Variants in TRABD2A observed in about 807,000 individuals in gnomAD.
TRABD2A encodes TraB domain containing 2A.
In TRABD2A, 43 loss-of-function variants were observed where a neutral mutation model predicts 45.6. The ratio of observed to expected loss-of-function variants is 0.94; its 90% CI spans 0.74 to 1.22. The LOEUF (loss-of-function observed/expected upper bound fraction) is 1.22, where lower values mean the gene tolerates loss of function less well. Ranked by LOEUF, TRABD2A falls within the 50% of genes most tolerant of loss-of-function variation. The pLI is 0.00. For missense variants in TRABD2A, 642 were observed against 652.4 expected (o/e 0.98, Z 0.17); for synonymous variants, 269 against 265.0 (o/e 1.02, Z -0.15).
At chr2:84,824,229 T>C in intron 5 of TRABD2A, 25 bp from the exon 6 acceptor site, 1 of 1,612,824 alleles carries the variant, frequency 6.2e-7, no homozygotes, top group Non-Finnish European at 8.5e-7. Context: ...AAGGAGAAGG[T>C]ATTTGGAGGA....
chr2:84,875,394 C>A (rs969299036), intron 1 of TRABD2A, among the ~76,000 whole-genome samples: 1 of 152,100 alleles, frequency 6.6e-6, no homozygotes, highest in Non-Finnish European at 1.5e-5. Flanking sequence ...GAGGCCAGCA[C>A]GACAGAGAGG....
Position 84,824,224 on chromosome 2 carries a change from G to A in TRABD2A, c.1083-20C>T, listed in dbSNP as rs1559082666. On this transcript the variant is annotated intron_variant, in intron 5 of 6. Coordinates refer to ENST00000409520, the MANE Select transcript of TRABD2A (RefSeq NM_001277053.2). Reference sequence around the variant, plus strand: ...TTCCCTCTGTACGCAAGTGGAAGGAGAAGGTATTTGGAGGAGGGTCACACA... The same window carrying A: ...TTCCCTCTGTACGCAAGTGGAAGGAAAAGGTATTTGGAGGAGGGTCACACA... 6.2e-7 allele frequency: 1 copy of A among 1,613,138 alleles called. No individual in the cohort carries two copies. The highest frequency in any genetic ancestry group is 2.2e-5 in the East Asian group (1 of 44,884).
chr2:84,858,100 C>T (rs1012623364), intron 2 of TRABD2A, among the ~76,000 whole-genome samples: 1 of 152,056 alleles, frequency 6.6e-6, no homozygotes, highest in Non-Finnish European at 1.5e-5. Flanking sequence ...GTCTTGAACT[C>T]CCAGCCAGCC....
chr2:84,824,976 G>T (rs938485502), intron 5 of TRABD2A, among the ~76,000 whole-genome samples: 1 of 152,142 alleles, frequency 6.6e-6, no homozygotes, highest in Non-Finnish European at 1.5e-5. Context: ...ATACTTCTTT[G>T]AGTGAAGAAA....
chr2:84,854,816 G>C (rs990285239), intron 2 of TRABD2A, among the ~76,000 whole-genome samples: 6 of 152,158 alleles, frequency 3.9e-5, no homozygotes, highest in African/African-American at 1.4e-4. Context: ...CACCCTTCCT[G>C]TCCTGTTAAC....
intron 4 of TRABD2A, chr2:84,832,461 A>AT: frequency 3.1e-6 from 1 of 325,176 alleles, no homozygotes; most frequent in Non-Finnish European, 5.9e-6. Flanking sequence ...AAGAGGTGAT[A>AT]TGTGAGCAGG....
At chr2:84,862,289 C>T (rs568471461) in intron 2 of TRABD2A, among the ~76,000 whole-genome samples, 114 of 152,330 alleles carry the variant, frequency 7.5e-4, no homozygotes, top group Non-Finnish European at 1.2e-3. Context: ...ATGAAGAATT[C>T]GTGTTCTCAC....
chr2:84,865,566 T>C (rs1391353358), intron 2 of TRABD2A, among the ~76,000 whole-genome samples: 1 of 152,114 alleles, frequency 6.6e-6, no homozygotes, highest in Non-Finnish European at 1.5e-5. Flanking sequence ...CTTAGGGATA[T>C]GACAAGAAAG....
intron 2 of TRABD2A, among the ~76,000 whole-genome samples, chr2:84,865,904 C>T (rs1682659100): frequency 6.6e-6 from 1 of 152,244 alleles, no homozygotes; most frequent in Non-Finnish European, 1.5e-5. Context: ...AAGCTATGTG[C>T]TTCCTTCACA....
intron 2 of TRABD2A, among the ~76,000 whole-genome samples, chr2:84,852,828 A>G (rs1000727905): frequency 6.6e-6 from 1 of 152,196 alleles, no homozygotes; most frequent in Non-Finnish European, 1.5e-5. Flanking sequence ...GCAAGACCAG[A>G]AGGAAATAAG....
intron 3 of TRABD2A, among the ~76,000 whole-genome samples, chr2:84,841,436 G>C (rs2105381845): frequency 6.6e-6 from 1 of 152,334 alleles, no homozygotes; most frequent in Admixed American, 6.5e-5. Context: ...AAGCCTGTAA[G>C]CATTCTGTGA....
chr2:84,854,741 C>T (rs1416872016), intron 2 of TRABD2A, among the ~76,000 whole-genome samples: 1 of 152,202 alleles, frequency 6.6e-6, no homozygotes, highest in Non-Finnish European at 1.5e-5. Flanking sequence ...ACACCTACTT[C>T]TCCTGAATGC....
intron 1 of TRABD2A, 26 bp from the exon 2 acceptor site, chr2:84,870,811 G>C: frequency 6.5e-7 from 1 of 1,528,780 alleles, no homozygotes; most frequent in Non-Finnish European, 8.8e-7. Flanking sequence ...GTAACATCAA[G>C]GTATAATATG....
At chr2:84,834,349 AGTTT>A (rs1681434155) in intron 4 of TRABD2A, 1 of 152,236 alleles carries the variant, frequency 6.6e-6, no homozygotes, top group African/African-American at 2.4e-5. Flanking sequence ...CACAAACTGC[AGTTT>A]GTTTGTGGCA....
intron 3 of TRABD2A, among the ~76,000 whole-genome samples, chr2:84,841,172 G>A (rs988967622): frequency 2.0e-5 from 3 of 152,202 alleles, no homozygotes; most frequent in East Asian, 1.9e-4. Flanking sequence ...GAGAGGAGGC[G>A]AAGGCACCAT....
At chr2:84,858,480 G>C (rs1682388744) in intron 2 of TRABD2A, among the ~76,000 whole-genome samples, 1 of 152,194 alleles carries the variant, frequency 6.6e-6, no homozygotes, top group Non-Finnish European at 1.5e-5. Flanking sequence ...ATAACATTTA[G>C]AAAATAAAGT....
intron 1 of TRABD2A, among the ~76,000 whole-genome samples, chr2:84,874,379 G>A (rs184470851): frequency 3.2e-4 from 49 of 152,308 alleles, no homozygotes; most frequent in Non-Finnish European, 4.6e-4. Flanking sequence ...CGCCTGGACT[G>A]TCCCACTGCC....
chr2:84,851,337 A>G (rs1682088399), intron 2 of TRABD2A, among the ~76,000 whole-genome samples: 1 of 152,216 alleles, frequency 6.6e-6, no homozygotes, highest in South Asian at 2.1e-4. Flanking sequence ...TTGCATTTGG[A>G]AGGACCCAGA....
chr2:84,822,172 G>A, intron 6 of TRABD2A, 72 bp from the exon 7 acceptor site: 1 of 1,317,944 alleles, frequency 7.6e-7, no homozygotes, highest in Non-Finnish European at 1.0e-6. Flanking sequence ...GCCCCCAAAT[G>A]CCCACACAGC....
Sources: allele counts gnomAD v4.1 joint callset (sites outside exome capture counted in the v4.1 genomes callset), GRCh38; gene constraint gnomAD v4.1.1; transcripts MANE v1.5; gene names NCBI Gene and HGNC (gene_info 2026-07-23, HGNC 2026-07-21).